The following ABCA1 variants were observed in gnomAD, a reference collection of about 807,000 sequenced individuals.
ABCA1 encodes phospholipid-transporting ATPase ABCA1.
ABCA1 carries 133 observed loss-of-function variants against 262.5 expected under a neutral mutation model. The observed-to-expected ratio is 0.51, with a 90% CI of 0.44 to 0.59. The LOEUF (loss-of-function observed/expected upper bound fraction) is 0.59, where lower values mean the gene tolerates loss of function less well. Ranked by LOEUF, ABCA1 falls within the 20% of genes least tolerant of loss-of-function variation. The pLI, the probability that ABCA1 is intolerant of heterozygous loss-of-function variation, is 0.00. For missense variants in ABCA1, 2,452 were observed against 2,777.5 expected, an observed-to-expected ratio of 0.88 and a Z score of 2.63; for synonymous variants, 1,022 against 1,043.5, an observed-to-expected ratio of 0.98 and a Z score of 0.40.
At chr9:104,827,321 T>A (rs1269488971) in intron 15 of ABCA1, 152 bp from the exon 16 acceptor site, 5 of 733,486 alleles carry the variant, frequency 6.8e-6, no homozygotes, top group Non-Finnish European at 1.2e-5. Flanking sequence ...AGGCAACTGA[T>A]CATTACCATC....
At chr9:104,870,984 G>C (rs552319685) in intron 5 of ABCA1, among the ~76,000 whole-genome samples, 1 of 152,182 alleles carries the variant, frequency 6.6e-6, no homozygotes, top group Non-Finnish European at 1.5e-5. Flanking sequence ...CAGTTAAGGC[G>C]AGGCAGGGCC....
At position 104,786,212 on chromosome 9, in the gene ABCA1, G is replaced by T. The variant is rs2740485; in HGVS notation, c.6401+86C>A. On this transcript the variant is annotated intron_variant, in intron 48 of 49. Transcript: ENST00000374736. ...TTTGCTCAGTTTTATTTCCCTTTAT[G>T]TTAGAGGCACCATTTATATACTCAC... The T allele has an allele frequency of 0.9, 1,036,319 of 1,153,774 alleles. 466,246 individuals carry two copies. Among genetic ancestry groups the T allele is most frequent in the East Asian group, 1 (42,505 of 42,516 alleles). The allele number at this position is 1,153,774 out of a possible 1,614,324, so 71.5% of individuals were successfully genotyped here. A position where few individuals can be genotyped will look rare whatever the true frequency, so the allele number is the denominator to read the frequency against.
In ABCA1 at chr9:104,796,451, T is replaced by G. The variant is rs1011346601; in HGVS notation, c.5122-27A>C. On this transcript the variant is annotated intron_variant, in intron 37 of 49. Coordinates refer to ENST00000374736, the MANE Select transcript of ABCA1 (RefSeq NM_005502.4). ...TAAAAGTGAAAACAAAGACATCCAGTTCACCCCTAAATCAAATATACAATG... is the reference window on the plus strand; with the variant it reads ...TAAAAGTGAAAACAAAGACATCCAGGTCACCCCTAAATCAAATATACAATG... 6 of 1,567,998 alleles carry G rather than the reference T, an allele frequency of 3.8e-6. No individual in the cohort carries two copies. The East Asian group carries it at 1.1e-4, about 29-fold the overall frequency.
At chr9:104,907,710 G>C (rs760780038) in intron 1 of ABCA1, among the ~76,000 whole-genome samples, 3 of 152,170 alleles carry the variant, frequency 2.0e-5, no homozygotes, top group Non-Finnish European at 4.4e-5. Context: ...CCTGAAAAAC[G>C]TAATAGAATC....
intron 20 of ABCA1, 128 bp from the exon 21 acceptor site, chr9:104,820,197 A>G: frequency 1.7e-6 from 2 of 1,194,058 alleles, no homozygotes; most frequent in Non-Finnish European, 2.4e-6. Context: ...AACTTTATCA[A>G]TTTCTGAAAA....
chr9:104,898,832 T>TC (rs1228567958), intron 2 of ABCA1, among the ~76,000 whole-genome samples: 2 of 152,158 alleles, frequency 1.3e-5, no homozygotes, highest in Admixed American at 6.5e-5. Context: ...CTCTCAGCTT[T>TC]AATGTGACAA....
chr9:104,916,552 C>A (rs1841852929), intron 1 of ABCA1, among the ~76,000 whole-genome samples: 2 of 152,168 alleles, frequency 1.3e-5, no homozygotes, highest in African/African-American at 4.8e-5. Context: ...ATCCTAAATT[C>A]TGGTATAGTA....
At chr9:104,910,591 T>G (rs763609809) in intron 1 of ABCA1, among the ~76,000 whole-genome samples, 1 of 152,096 alleles carries the variant, frequency 6.6e-6, no homozygotes, top group Non-Finnish European at 1.5e-5. Context: ...AGAGAGTATG[T>G]GTGTGTGTGT....
intron 19 of ABCA1, among the ~76,000 whole-genome samples, chr9:104,822,098 G>A (rs950934438): frequency 1.3e-5 from 2 of 152,136 alleles, no homozygotes; most frequent in Non-Finnish European, 2.9e-5. Context: ...CCTTGAGGTC[G>A]CAGGGAAGGC....
At chr9:104,811,355 G>A (rs906934404) in intron 28 of ABCA1, among the ~76,000 whole-genome samples, 8 of 152,168 alleles carry the variant, frequency 5.3e-5, no homozygotes, top group African/African-American at 1.2e-4. Flanking sequence ...GTGAAGTCAC[G>A]CTCCCCACTG....
chr9:104,846,529 G>A (rs781453387), intron 7 of ABCA1, among the ~76,000 whole-genome samples: 1 of 152,228 alleles, frequency 6.6e-6, no homozygotes, highest in Non-Finnish European at 1.5e-5. Flanking sequence ...AAAATGTCTA[G>A]AAGTGGCTGG....
At chr9:104,894,917 C>T (rs1369677858) in intron 2 of ABCA1, among the ~76,000 whole-genome samples, 1 of 152,194 alleles carries the variant, frequency 6.6e-6, no homozygotes, top group Non-Finnish European at 1.5e-5. Flanking sequence ...CCTTCCAAAC[C>T]CAGGGGAATG....
At chr9:104,859,861 G>A (rs1836188278) in intron 6 of ABCA1, among the ~76,000 whole-genome samples, 1 of 151,912 alleles carries the variant, frequency 6.6e-6, no homozygotes, top group Non-Finnish European at 1.5e-5. Flanking sequence ...GACCAGTCTG[G>A]CCAACCAACA....
rs536078227 is a variant in ABCA1 at position 104,908,155 on chromosome 9, C to T, written c.-92-4384G>A. Among the ~76,000 whole-genome samples, 30 of 152,210 alleles carry T rather than the reference C, an allele frequency of 2.0e-4. 1 individual carries two copies. The South Asian group carries it at 5.8e-3, about 29-fold the overall frequency. On this transcript the variant is annotated intron_variant, in intron 1 of 49. Coordinates refer to ENST00000374736, the MANE Select transcript of ABCA1 (RefSeq NM_005502.4). ...CTAAATTAAATATTAAAAGTGCTAG[C>T]ATGTGTATGGAGACACTGGGACTCA...
intron 5 of ABCA1, among the ~76,000 whole-genome samples, 157 bp downstream of exon 5, chr9:104,882,882 T>C (rs1838807613): frequency 6.6e-6 from 1 of 152,130 alleles, no homozygotes. Context: ...TCTTCACCAA[T>C]GCCTCCTGGA....
chr9:104,874,762 C>G (rs1372924066), intron 5 of ABCA1, among the ~76,000 whole-genome samples: 1 of 144,836 alleles, frequency 6.9e-6, no homozygotes, highest in Non-Finnish European at 1.6e-5. Context: ...CCAGCCGCCC[C>G]GTCCGGGAGG....
Position 104,784,109 on chromosome 9 carries a change from A to T in ABCA1, c.*206T>A. The T allele has an allele frequency of 1.6e-6, 1 of 615,622 alleles. No homozygotes were observed. The allele number at this position is 615,622 out of a possible 1,614,324, so 38.1% of individuals were successfully genotyped here. A position where few individuals can be genotyped will look rare whatever the true frequency, so the allele number is the denominator to read the frequency against. On this transcript the variant is annotated 3_prime_UTR_variant, in exon 50 of 50. Transcript: ENST00000374736. The stretch of plus-strand genomic sequence containing the variant: ...CAAGTCTTTCACTTGAGAGCCATAC[A>T]AGACATAGGCTACAAAGGCACTGCC...
At chr9:104,912,741 G>T (rs1363204494) in intron 1 of ABCA1, among the ~76,000 whole-genome samples, 1 of 152,146 alleles carries the variant, frequency 6.6e-6, no homozygotes, top group Non-Finnish European at 1.5e-5. Flanking sequence ...CCTTTTCCCT[G>T]GTCGGGGGGT....
At chr9:104,800,025 C>T (rs1259332393) in intron 35 of ABCA1, 37 bp from the exon 36 acceptor site, 2 of 1,613,302 alleles carry the variant, frequency 1.2e-6, no homozygotes, top group Non-Finnish European at 8.5e-7. Context: ...GTAATGCCCC[C>T]AAACCGGGCT....
Sources: gnomAD v4.1 joint callset for allele counts (sites outside exome capture counted in the v4.1 genomes callset) on GRCh38, gnomAD v4.1.1 for gene constraint, MANE v1.5 for transcripts, NCBI Gene and HGNC (gene_info 2026-07-23, HGNC 2026-07-21) for gene names.